PTPN5: variants seen among roughly 807,000 people sequenced by gnomAD.
PTPN5 encodes tyrosine-protein phosphatase non-receptor type 5.
In PTPN5, 29 loss-of-function variants were observed where a neutral mutation model predicts 73.9. That is an observed-to-expected ratio of 0.39 (90% CI 0.29 to 0.54). The LOEUF is 0.54. Ranked by LOEUF, PTPN5 falls within the 20% of genes least tolerant of loss-of-function variation. PTPN5 has a pLI of 0.65. For missense variants in PTPN5, 652 were observed against 751.4 expected (o/e 0.87, Z 1.55); for synonymous variants, 267 against 304.7 (o/e 0.88, Z 1.29).
At chr11:18,769,911 C>G (rs1030825473) in intron 2 of PTPN5, among the ~76,000 whole-genome samples, 2 of 152,164 alleles carry the variant, frequency 1.3e-5, no homozygotes, top group African/African-American at 4.8e-5. Flanking sequence ...GCCTAGAAGA[C>G]AGGAATCCTG....
Position 18,743,756 on chromosome 11 carries a change from G to A in PTPN5, c.291+250C>T, listed in dbSNP as rs1849483614. 3 of 570,074 alleles carry A rather than the reference G, an allele frequency of 5.3e-6. No homozygotes were observed. In the African/African-American group the frequency reaches 5.6e-5, roughly 11 times the overall value. The allele number at this position is 570,074 out of a possible 1,614,324, so 35.3% of individuals were successfully genotyped here. On this transcript the variant is annotated intron_variant, in intron 4 of 14. Coordinates refer to ENST00000358540, the MANE Select transcript of PTPN5 (RefSeq NM_006906.2). ...GAACCCTGTACGGCTGGGAGCTCAG[G>A]GGTCGGGGAGGCCCTGTGTTCTGGA...
chr11:18,773,011 G>C (rs1331514785), intron 1 of PTPN5, among the ~76,000 whole-genome samples: 1 of 151,950 alleles, frequency 6.6e-6, no homozygotes, highest in East Asian at 1.9e-4. Context: ...GAGACAGGAG[G>C]GGGTGGGGTG....
rs1848740285 is a variant in PTPN5, at chr11:18,728,859, C to T, written c.*75G>A. 2.0e-6 allele frequency: 3 copies of T among 1,465,470 alleles called. No individual in the cohort carries two copies. Among genetic ancestry groups the T allele is most frequent in the Non-Finnish European group, 2.8e-6 (3 of 1,073,648 alleles). The allele number at this position is 1,465,470 out of a possible 1,614,324, so 90.8% of individuals were successfully genotyped here. On this transcript the variant is annotated 3_prime_UTR_variant, in exon 15 of 15. Coordinates refer to ENST00000358540, the MANE Select transcript of PTPN5 (RefSeq NM_006906.2). The surrounding 1 kb of genome is among the most constrained non-coding windows in gnomAD (Gnocchi z 4.1). ...GAGGAAGCGGGGAGCAGGCCCAGGA[C>T]CCGAGGCAGGGCCCTGGGTGAGGGC...
chr11:18,770,091 G>A (rs1388060998), intron 2 of PTPN5, among the ~76,000 whole-genome samples: 1 of 152,206 alleles, frequency 6.6e-6, no homozygotes, highest in Non-Finnish European at 1.5e-5. Context: ...TTTAGACCCA[G>A]CTGGTAGCGT....
At chr11:18,771,377 A>G (rs1019108254) in intron 2 of PTPN5, among the ~76,000 whole-genome samples, 1 of 152,172 alleles carries the variant, frequency 6.6e-6, no homozygotes, top group Non-Finnish European at 1.5e-5. Flanking sequence ...GGTGCGACTC[A>G]GGCGGTGCGT....
intron 9 of PTPN5, among the ~76,000 whole-genome samples, chr11:18,737,127 A>C (rs570683061): frequency 6.6e-6 from 1 of 152,326 alleles, no homozygotes; most frequent in African/African-American, 2.4e-5. Context: ...CAACAAGTCA[A>C]CGCCCAAGCT....
intron 3 of PTPN5, among the ~76,000 whole-genome samples, chr11:18,759,521 AC>A (rs1446228682): frequency 6.6e-6 from 1 of 152,206 alleles, no homozygotes; most frequent in East Asian, 1.9e-4. Flanking sequence ...ACCAGTGGGC[AC>A]CTGGGATGGT....
chr11:18,728,883 G>T lies in PTPN5; in HGVS notation c.*51C>A. ...ACCCGAGGCAGGGCCCTGGGTGAGG[G>T]CCGAGACTCAGGCTGGGCAGTGCCC... On this transcript the variant is annotated 3_prime_UTR_variant, in exon 15 of 15. Transcript: ENST00000358540. This position sits in a 1 kb window ranked among gnomAD's most constrained non-coding sequence, Gnocchi z 4.1. 6.4e-7 allele frequency: 1 copy of T among 1,570,774 alleles called. No homozygotes were observed.
chr11:18,734,588 C>G (rs977528568), intron 9 of PTPN5, among the ~76,000 whole-genome samples: 3 of 152,182 alleles, frequency 2.0e-5, no homozygotes. Context: ...CCTACCTCGG[C>G]CTCTCAATGT....
chr11:18,744,332 C>T, intron 3 of PTPN5, 133 bp from the exon 4 acceptor site: 1 of 659,124 alleles, frequency 1.5e-6, no homozygotes, highest in Non-Finnish European at 2.3e-6. Flanking sequence ...CCAGCAGTCA[C>T]CCTCGATTAG....
chr11:18,743,733 AC>A (rs2134227992), intron 4 of PTPN5: 1 of 574,324 alleles, frequency 1.7e-6, no homozygotes, highest in African/African-American at 1.9e-5. Context: ...TCTCAGGAGA[AC>A]CCTGTACGGC....
At chr11:18,790,138 G>A (rs1851849589) in intron 1 of PTPN5, among the ~76,000 whole-genome samples, 2 of 151,810 alleles carry the variant, frequency 1.3e-5, no homozygotes, top group Admixed American at 1.3e-4. Context: ...CTCAGCTCTG[G>A]GGACACCTGG....
At chr11:18,788,022 C>CT (rs899150604) in intron 1 of PTPN5, among the ~76,000 whole-genome samples, 5 of 152,166 alleles carry the variant, frequency 3.3e-5, no homozygotes, top group African/African-American at 1.2e-4. Flanking sequence ...CCCACTCCTC[C>CT]TCCTATTGGG....
At chr11:18,791,177 C>T (rs967427782) in intron 1 of PTPN5, among the ~76,000 whole-genome samples, 13 of 152,218 alleles carry the variant, frequency 8.5e-5, no homozygotes, top group Non-Finnish European at 1.9e-4. Flanking sequence ...CTTCAGGCTC[C>T]GGAGAGGCGA....
rs544786376 is a variant in PTPN5 at position 18,769,397 on chromosome 11, T to A, written c.20+2542A>T. 3.1e-3 allele frequency among the ~76,000 whole-genome samples: 474 copies of A among 151,210 alleles called. 2 individuals carry two copies. Among genetic ancestry groups the A allele is most frequent in the Middle Eastern group, 0.01 (3 of 290 alleles). ...GGGGAGACAGGAGCTGGTTTTTTTTTAAATTAATTAATTAATTAATTTTTG... is the reference window on the plus strand; with the variant it reads ...GGGGAGACAGGAGCTGGTTTTTTTTAAAATTAATTAATTAATTAATTTTTG... On this transcript the variant is annotated intron_variant, in intron 2 of 14. Coordinates refer to ENST00000358540, the MANE Select transcript of PTPN5 (RefSeq NM_006906.2).
chr11:18,772,413 C>T (rs530347693), intron 1 of PTPN5, among the ~76,000 whole-genome samples: 4 of 152,338 alleles, frequency 2.6e-5, no homozygotes, highest in East Asian at 1.9e-4. Flanking sequence ...CTGCTATTTC[C>T]GTCCTGCCAA....
intron 2 of PTPN5, among the ~76,000 whole-genome samples, chr11:18,767,871 T>C (rs1333969077): frequency 6.6e-6 from 1 of 152,242 alleles, no homozygotes. Context: ...CCTCTCCCTC[T>C]TGACCTCTGC....
intron 3 of PTPN5, among the ~76,000 whole-genome samples, chr11:18,751,677 G>A (rs1486522281): frequency 2.0e-5 from 3 of 152,190 alleles, no homozygotes; most frequent in Admixed American, 6.5e-5. Flanking sequence ...AGGCAGGATG[G>A]GCGTGGGAAA....
intron 3 of PTPN5, among the ~76,000 whole-genome samples, chr11:18,760,712 A>G (rs1850347084): frequency 6.6e-6 from 1 of 152,242 alleles, no homozygotes; most frequent in Non-Finnish European, 1.5e-5. Flanking sequence ...GGAAGGCTCC[A>G]GGAGTACTTT....
Sources: allele counts gnomAD v4.1 joint callset (sites outside exome capture counted in the v4.1 genomes callset), GRCh38; gene constraint gnomAD v4.1.1; non-coding constraint Gnocchi (gnomAD v3.1); transcripts MANE v1.5; gene names NCBI Gene and HGNC (gene_info 2026-07-23, HGNC 2026-07-21).